ARIH2: variants seen among roughly 807,000 people sequenced by gnomAD.
ARIH2 encodes E3 ubiquitin-protein ligase ARIH2.
ARIH2 carries 12 observed loss-of-function variants against 79.8 expected under a neutral mutation model. The ratio of observed to expected loss-of-function variants is 0.15; its 90% CI spans 0.10 to 0.24. The LOEUF is 0.24. ARIH2 is among the 10% of genes least tolerant of loss of function. The pLI, the probability that ARIH2 is intolerant of heterozygous loss-of-function variation, is 1.00. For missense variants in ARIH2, 301 were observed against 618.3 expected, an observed-to-expected ratio of 0.49 and a Z score of 5.44; for synonymous variants, 224 against 213.9, an observed-to-expected ratio of 1.05 and a Z score of -0.41.
At position 48,927,735 on chromosome 3, in the gene ARIH2, C is replaced by T; in HGVS notation, c.177C>T (p.Tyr59=). The T allele has an allele frequency of 6.2e-7, 1 of 1,614,200 alleles. No homozygotes were observed. Among genetic ancestry groups the T allele is most frequent in the Non-Finnish European group, 8.5e-7 (1 of 1,180,032 alleles). ...QGADAFDPEE[Y]QFTCLTYKES... ...CTGATGCCTTTGATCCCGAGGAGTACCAGTTCACTTGCTTGACCTACAAGG... is the reference window on the plus strand; with the variant it reads ...CTGATGCCTTTGATCCCGAGGAGTATCAGTTCACTTGCTTGACCTACAAGG... Residue 59 remains tyrosine, a synonymous_variant, in exon 3 of 16, where the codon TAC becomes TAT. Transcript: ENST00000356401.
At chr3:48,962,263 G>T (rs1400105484) in intron 4 of ARIH2, among the ~76,000 whole-genome samples, 1 of 151,992 alleles carries the variant, frequency 6.6e-6, no homozygotes, top group Non-Finnish European at 1.5e-5. Context: ...TGTAGTCCCA[G>T]CTACTCAGAA....
intron 7 of ARIH2, among the ~76,000 whole-genome samples, chr3:48,969,698 A>G (rs1409302471): frequency 6.6e-6 from 1 of 151,956 alleles, no homozygotes; most frequent in Non-Finnish European, 1.5e-5. Context: ...CATCTTGCCC[A>G]GGCTGGTCTC....
chr3:48,947,243 C>G (rs1383778411), intron 3 of ARIH2, among the ~76,000 whole-genome samples: 1 of 152,092 alleles, frequency 6.6e-6, no homozygotes, highest in Non-Finnish European at 1.5e-5. Context: ...GAGTTTGAGA[C>G]CAGCCTGACC....
chr3:48,945,251 A>G (rs1234239936), intron 3 of ARIH2: 5 of 1,247,634 alleles, frequency 4.0e-6, no homozygotes, highest in East Asian at 1.1e-4. Flanking sequence ...GGAAAAGTCT[A>G]TTTGCAAGCT....
At chr3:48,951,618 T>G (rs1026327451) in intron 3 of ARIH2, among the ~76,000 whole-genome samples, 5 of 151,966 alleles carry the variant, frequency 3.3e-5, no homozygotes, top group Admixed American at 2.6e-4. Flanking sequence ...AAAGAGCTGC[T>G]CAGTTTTTCT....
At chr3:48,968,979 G>A (rs1009084131) in intron 7 of ARIH2, among the ~76,000 whole-genome samples, 2 of 152,072 alleles carry the variant, frequency 1.3e-5, no homozygotes, top group African/African-American at 4.8e-5. Context: ...CGCCTCCCAG[G>A]TTTAAGCGAT....
chr3:48,970,533 G>T lies in ARIH2; in HGVS notation c.661-62G>T, dbSNP rs889355725. The T allele has an allele frequency of 5.6e-5, 61 of 1,087,690 alleles. No individual in the cohort carries two copies. The East Asian group carries it at 1.4e-3, about 25-fold the overall frequency. The allele number at this position is 1,087,690 out of a possible 1,614,324, so 67.4% of individuals were successfully genotyped here. ...CAGAAAGTGTTTGAATATTCAGGGG[G>T]TTCTGATTTTTAGACAGCAACTAAG... On this transcript the variant is annotated intron_variant, in intron 7 of 15. Coordinates refer to ENST00000356401, the MANE Select transcript of ARIH2 (RefSeq NM_006321.4).
intron 2 of ARIH2, among the ~76,000 whole-genome samples, chr3:48,925,660 AAATT>A (rs2085476760): frequency 1.3e-5 from 2 of 151,928 alleles, no homozygotes; most frequent in South Asian, 4.1e-4. Flanking sequence ...TTGTTTATAT[AAATT>A]GTTTATGTAC....
chr3:48,944,975 T>C, intron 3 of ARIH2: 1 of 490,088 alleles, frequency 2.0e-6, no homozygotes, highest in East Asian at 6.9e-5. Flanking sequence ...TCATTTCTGC[T>C]TTTTAGTGAG....
At chr3:48,975,080 T>C (rs1053998534) in intron 11 of ARIH2, 101 bp downstream of exon 11, 76 of 1,589,780 alleles carry the variant, frequency 4.8e-5, no homozygotes, top group Non-Finnish European at 6.3e-5. Context: ...TGACAAAACA[T>C]AGAAGAACCT....
intron 4 of ARIH2, among the ~76,000 whole-genome samples, chr3:48,963,183 C>T (rs2091452956): frequency 6.6e-6 from 1 of 152,192 alleles, no homozygotes; most frequent in Non-Finnish European, 1.5e-5. Context: ...TAACTGCACT[C>T]ATCCTGTGTA....
intron 11 of ARIH2, among the ~76,000 whole-genome samples, chr3:48,976,493 G>A (rs1414120360): frequency 6.6e-6 from 1 of 152,102 alleles, no homozygotes; most frequent in Non-Finnish European, 1.5e-5. Context: ...TTACAGGTGT[G>A]AGCCACCGCT....
At chr3:48,976,637 C>G (rs2092517063) in intron 11 of ARIH2, among the ~76,000 whole-genome samples, 1 of 152,216 alleles carries the variant, frequency 6.6e-6, no homozygotes, top group South Asian at 2.1e-4. Context: ...TTCTTTCGCT[C>G]TCTTTTTCTT....
At chr3:48,944,127 T>C (rs927965380) in intron 3 of ARIH2, among the ~76,000 whole-genome samples, 2 of 152,142 alleles carry the variant, frequency 1.3e-5, no homozygotes, top group African/African-American at 4.8e-5. Context: ...AAAGTTTCCA[T>C]TAAATGCACC....
chr3:48,966,978 T>C lies in ARIH2; in HGVS notation c.388-147T>C, dbSNP rs569769124. 45 of 870,620 alleles carry C rather than the reference T, an allele frequency of 5.2e-5. No individual in the cohort carries two copies. The East Asian group carries it at 1.0e-3, about 19-fold the overall frequency. The allele number at this position is 870,620 out of a possible 1,614,324, so 53.9% of individuals were successfully genotyped here. A position where few individuals can be genotyped will look rare whatever the true frequency, so the allele number is the denominator to read the frequency against. ...GTATATACTTTTAGCTTAGTACCCT[T>C]GGGACTCAGAGTCCACACATTGCAG... On this transcript the variant is annotated intron_variant, in intron 5 of 15. Transcript: ENST00000356401.
chr3:48,961,777 T>C lies in ARIH2; in HGVS notation c.323+98T>C. On this transcript the variant is annotated intron_variant, in intron 4 of 15. Transcript: ENST00000356401. The stretch of plus-strand genomic sequence containing the variant: ...TGGACCATATTCGACTATATTCCAA[T>C]GTGCATAGTATATTTTTAAAACATT... 3 of 756,894 alleles carry C rather than the reference T, an allele frequency of 4.0e-6. No individual in the cohort carries two copies. The East Asian group carries it at 7.5e-5, about 19-fold the overall frequency. The allele number at this position is 756,894 out of a possible 1,614,324, so 46.9% of individuals were successfully genotyped here. A position where few individuals can be genotyped will look rare whatever the true frequency, so the allele number is the denominator to read the frequency against.
intron 7 of ARIH2, among the ~76,000 whole-genome samples, chr3:48,969,823 G>A (rs1157021976): frequency 6.6e-6 from 1 of 151,550 alleles, no homozygotes; most frequent in Non-Finnish European, 1.5e-5. Flanking sequence ...CATGCCGCAG[G>A]ATAAACAGAA....
At chr3:48,959,087 C>T (rs960620015) in intron 3 of ARIH2, among the ~76,000 whole-genome samples, 5 of 151,850 alleles carry the variant, frequency 3.3e-5, no homozygotes, top group Non-Finnish European at 4.4e-5. Context: ...GAGGCCAAGG[C>T]GGGTGGATCA....
intron 3 of ARIH2, chr3:48,935,089 C>G (rs1028338916): frequency 2.3e-5 from 9 of 384,466 alleles, no homozygotes; most frequent in Non-Finnish European, 2.8e-5. Flanking sequence ...AGTTTTCTTG[C>G]TTGCTTATCA....
Sources: allele counts gnomAD v4.1 joint callset (sites outside exome capture counted in the v4.1 genomes callset), GRCh38; gene constraint gnomAD v4.1.1; transcripts MANE v1.5; gene names NCBI Gene and HGNC (gene_info 2026-07-23, HGNC 2026-07-21).